SYT9: variants seen among roughly 807,000 people sequenced by gnomAD.
The protein encoded by SYT9 is synaptotagmin-9.
SYT9 carries 22 observed loss-of-function variants against 48.4 expected under a neutral mutation model. The ratio of observed to expected loss-of-function variants is 0.45; its 90% confidence interval spans 0.32 to 0.65. SYT9 has a LOEUF of 0.65. Among genes scored for constraint, SYT9 ranks in the 30% least tolerant of loss-of-function variants. The pLI, the probability that SYT9 is intolerant of heterozygous loss-of-function variation, is 0.03. For missense variants in SYT9, 577 were observed against 622.0 expected (o/e 0.93, Z 0.77); for synonymous variants, 265 against 245.0 (o/e 1.08, Z -0.76).
chr11:7,425,290 T>C (rs759277409), intron 6 of SYT9, among the ~76,000 whole-genome samples: 20 of 152,166 alleles, frequency 1.3e-4, no homozygotes, highest in Non-Finnish European at 2.1e-4. Flanking sequence ...AGGGAAATTG[T>C]CTAAAATGAA....
At chr11:7,386,002 T>A (rs1379052240) in intron 3 of SYT9, among the ~76,000 whole-genome samples, 1 of 152,136 alleles carries the variant, frequency 6.6e-6, no homozygotes, top group Non-Finnish European at 1.5e-5. Context: ...AAACATGGAG[T>A]ATTGCTCTAT....
At chr11:7,339,362 A>G (rs1467652286) in intron 3 of SYT9, among the ~76,000 whole-genome samples, 2 of 152,064 alleles carry the variant, frequency 1.3e-5, no homozygotes, top group Non-Finnish European at 2.9e-5. Flanking sequence ...TTCAAGGTTA[A>G]TATTGATATA....
In SYT9 at chr11:7,454,123, T is replaced by G. The variant is rs925635577; in HGVS notation, c.1468-12669T>G. On this transcript the variant is annotated intron_variant, in intron 6 of 6. Coordinates refer to ENST00000318881, the MANE Select transcript of SYT9 (RefSeq NM_175733.4). The stretch of plus-strand genomic sequence containing the variant: ...GCTCCCCAGTCACTTTTCTTTCCTT[T>G]CCTTGCTACCTACCTGATTTCCAGC... 8.1e-6 allele frequency: 8 copies of G among 985,262 alleles called. No individual in the cohort carries two copies. In the African/African-American group the frequency reaches 1.2e-4, roughly 15 times the overall value. 61.0% of individuals were successfully genotyped at this position (985,262 alleles called of 1,614,324 possible).
At chr11:7,322,218 T>G (rs1021685029) in intron 3 of SYT9, among the ~76,000 whole-genome samples, 1 of 152,162 alleles carries the variant, frequency 6.6e-6, no homozygotes, top group African/African-American at 2.4e-5. Context: ...CAAGAGATGC[T>G]CACCCACAAT....
At chr11:7,398,684 A>G (rs1473335571) in intron 3 of SYT9, among the ~76,000 whole-genome samples, 1 of 152,122 alleles carries the variant, frequency 6.6e-6, no homozygotes, top group Non-Finnish European at 1.5e-5. Context: ...GTATATTACT[A>G]TTCTCGTGTA....
chr11:7,333,508 A>G (rs895283180), intron 3 of SYT9, among the ~76,000 whole-genome samples: 4 of 152,226 alleles, frequency 2.6e-5, no homozygotes, highest in African/African-American at 9.6e-5. Flanking sequence ...TAAAAACTGA[A>G]CAGATCTATG....
intron 3 of SYT9, among the ~76,000 whole-genome samples, chr11:7,325,419 T>C (rs1849414607): frequency 7.6e-6 from 1 of 132,008 alleles, no homozygotes; most frequent in Admixed American, 8.1e-5. Flanking sequence ...TGTTTGTCTG[T>C]TGTTGGTGTA....
chr11:7,453,970 G>A (rs1848104773), intron 6 of SYT9: 1 of 984,862 alleles, frequency 1.0e-6, no homozygotes, highest in African/African-American at 1.7e-5. Context: ...CCTTCAGCAG[G>A]CACCCTCTGT....
At chr11:7,306,234 C>A (rs1034328243) in intron 2 of SYT9, among the ~76,000 whole-genome samples, 1 of 152,134 alleles carries the variant, frequency 6.6e-6, no homozygotes, top group African/African-American at 2.4e-5. Flanking sequence ...ATCCCTGGAT[C>A]CCCAAAATAG....
chr11:7,458,868 A>G (rs932994995), intron 6 of SYT9, among the ~76,000 whole-genome samples: 5 of 152,226 alleles, frequency 3.3e-5, no homozygotes, highest in African/African-American at 9.7e-5. Context: ...CAACATGGCA[A>G]TTTTTAAGAG....
upstream of SYT9, among the ~76,000 whole-genome samples, chr11:7,247,421 G>GCCGTTAAT (rs1333511936): frequency 6.6e-6 from 1 of 151,194 alleles, no homozygotes; most frequent in East Asian, 1.9e-4. Flanking sequence ...CACTATGAAT[G>GCCGTTAAT]CCGTTAATTC....
intron 1 of SYT9, among the ~76,000 whole-genome samples, chr11:7,284,875 A>G (rs1848567653): frequency 6.6e-6 from 1 of 152,188 alleles, no homozygotes; most frequent in South Asian, 2.1e-4. Context: ...GTGTCTTCAA[A>G]GACAAAAGTT....
intron 6 of SYT9, among the ~76,000 whole-genome samples, chr11:7,445,386 A>G (rs571165653): frequency 1.1e-4 from 16 of 151,844 alleles, no homozygotes; most frequent in African/African-American, 3.6e-4. Context: ...CCAGCCTTGG[A>G]CTCCACGGCT....
chr11:7,252,130 C>T lies in SYT9; in HGVS notation c.-57C>T. ...GAGGCGGCGGCTCTGAGCTGGCAGG[C>T]GGAGGGCTGTCTCCTGCGCCCGCCT... On this transcript the variant is annotated 5_prime_UTR_variant, in exon 1 of 7. Coordinates refer to ENST00000318881, the MANE Select transcript of SYT9 (RefSeq NM_175733.4). This position sits in a 1 kb window ranked among gnomAD's most constrained non-coding sequence, Gnocchi z 6.3. The T allele has an allele frequency of 3.0e-6, 4 of 1,351,268 alleles. No homozygotes were observed. The highest frequency in any genetic ancestry group is 3.8e-6 in the Non-Finnish European group (4 of 1,056,688). 83.7% of individuals were successfully genotyped at this position (1,351,268 alleles called of 1,614,324 possible). A position where few individuals can be genotyped will look rare whatever the true frequency, so the allele number is the denominator to read the frequency against.
intron 3 of SYT9, among the ~76,000 whole-genome samples, chr11:7,381,934 G>A (rs1850572599): frequency 6.6e-6 from 1 of 152,140 alleles, no homozygotes; most frequent in Non-Finnish European, 1.5e-5. Context: ...TTGGAGGAGG[G>A]GAATCCCAAT....
intron 1 of SYT9, among the ~76,000 whole-genome samples, chr11:7,266,097 T>G (rs1848176019): frequency 6.6e-6 from 1 of 152,082 alleles, no homozygotes; most frequent in Non-Finnish European, 1.5e-5. Flanking sequence ...TCCATTCTTA[T>G]TTTTTTAGAT....
chr11:7,338,781 G>C (rs1212872528), intron 3 of SYT9, among the ~76,000 whole-genome samples: 1 of 151,996 alleles, frequency 6.6e-6, no homozygotes, highest in South Asian at 2.1e-4. Flanking sequence ...TGCTCGATTT[G>C]AGTATGTGCC....
chr11:7,358,136 T>A (rs1850058272), intron 3 of SYT9, among the ~76,000 whole-genome samples: 1 of 152,100 alleles, frequency 6.6e-6, no homozygotes, highest in Non-Finnish European at 1.5e-5. Flanking sequence ...GAAAATGGTA[T>A]AGAAAGGGTT....
chr11:7,325,372 C>T (rs2133969998), intron 3 of SYT9, among the ~76,000 whole-genome samples: 1 of 135,504 alleles, frequency 7.4e-6, no homozygotes, highest in African/African-American at 2.9e-5. Flanking sequence ...CTCTTTGAAG[C>T]AATTGTGAAT....
Sources: gnomAD v4.1 joint callset for allele counts (sites outside exome capture counted in the v4.1 genomes callset) on GRCh38, gnomAD v4.1.1 for gene constraint, Gnocchi (gnomAD v3.1) non-coding constraint, MANE v1.5 for transcripts, NCBI Gene and HGNC (gene_info 2026-07-23, HGNC 2026-07-21) for gene names.